Variants in ACOXL observed in about 807,000 individuals in gnomAD.
ACOXL encodes the protein acyl-CoA oxidase like, also known as acyl-coenzyme A oxidase-like protein.
A neutral mutation model predicts 71.9 loss-of-function variants in ACOXL; 70 were observed. The observed-to-expected ratio is 0.97, with a 90% confidence interval of 0.80 to 1.19. The LOEUF (loss-of-function observed/expected upper bound fraction) is 1.19, where lower values mean the gene tolerates loss of function less well. ACOXL is among the 50% of genes most tolerant of loss of function. The pLI, the probability that ACOXL is intolerant of heterozygous loss-of-function variation, is 0.00. For missense variants in ACOXL, 703 were observed against 736.3 expected (o/e 0.95, Z 0.52); for synonymous variants, 253 against 281.6 (o/e 0.90, Z 1.02).
chr2:110,755,239 C>T (rs1329159475), intron 1 of ACOXL, among the ~76,000 whole-genome samples: 1 of 152,152 alleles, frequency 6.6e-6, no homozygotes, highest in African/African-American at 2.4e-5. Context: ...GACTCCCACC[C>T]CCAGAACTGA....
chr2:110,937,076 T>A (rs181506722), intron 12 of ACOXL, among the ~76,000 whole-genome samples: 1 of 152,262 alleles, frequency 6.6e-6, no homozygotes, highest in East Asian at 1.9e-4. Flanking sequence ...CGAACTATTT[T>A]AGGGATTTTT....
chr2:110,787,680 C>G (rs1684156103), intron 3 of ACOXL, among the ~76,000 whole-genome samples: 1 of 152,112 alleles, frequency 6.6e-6, no homozygotes, highest in African/African-American at 2.4e-5. Flanking sequence ...CAGGTGTGGC[C>G]CTGGTCACAT....
intron 10 of ACOXL, among the ~76,000 whole-genome samples, chr2:110,865,474 T>C (rs1379411923): frequency 6.6e-6 from 1 of 152,212 alleles, no homozygotes; most frequent in Non-Finnish European, 1.5e-5. Context: ...AAGAATAGGA[T>C]GTTTCGAAGG....
intron 9 of ACOXL, among the ~76,000 whole-genome samples, chr2:110,812,147 A>G (rs1348168586): frequency 1.3e-5 from 2 of 152,230 alleles, no homozygotes; most frequent in Non-Finnish European, 2.9e-5. Context: ...AATAGGATGT[A>G]GAGTTATTTT....
intron 10 of ACOXL, among the ~76,000 whole-genome samples, chr2:110,894,818 G>T (rs1309776535): frequency 4.6e-5 from 7 of 152,242 alleles, no homozygotes; most frequent in African/African-American, 1.7e-4. Flanking sequence ...CAGAACTCCT[G>T]CCCCTCCCTA....
intron 1 of ACOXL, among the ~76,000 whole-genome samples, chr2:110,743,993 C>G (rs542252253): frequency 1.8e-4 from 28 of 152,324 alleles, no homozygotes; most frequent in African/African-American, 6.7e-4. Flanking sequence ...GGGGTGCTGC[C>G]TCTGGGGCCC....
chr2:110,979,989 TG>T (rs1467796409), intron 12 of ACOXL, among the ~76,000 whole-genome samples: 1 of 152,186 alleles, frequency 6.6e-6, no homozygotes, highest in African/African-American at 2.4e-5. Context: ...GTCTTTGGCA[TG>T]GGGTGAGTCA....
chr2:110,753,745 T>C (rs1295033877), intron 1 of ACOXL, among the ~76,000 whole-genome samples: 3 of 152,248 alleles, frequency 2.0e-5, no homozygotes, highest in African/African-American at 7.2e-5. Flanking sequence ...AGGAATGTAA[T>C]TGTCAGGTCA....
At chr2:110,858,402 C>A (rs535820171) in intron 10 of ACOXL, among the ~76,000 whole-genome samples, 3 of 152,130 alleles carry the variant, frequency 2.0e-5, no homozygotes, top group Admixed American at 1.3e-4. Context: ...TTGTCATTTC[C>A]CTTCTCACGC....
chr2:110,996,976 CT>C (rs2063424164), intron 14 of ACOXL, among the ~76,000 whole-genome samples: 1 of 152,154 alleles, frequency 6.6e-6, no homozygotes, highest in Non-Finnish European at 1.5e-5. Flanking sequence ...AGGCGTAGAT[CT>C]GAGGTGAGGC....
chr2:111,002,199 GC>G (rs1390570520), intron 14 of ACOXL, among the ~76,000 whole-genome samples: 2 of 152,152 alleles, frequency 1.3e-5, no homozygotes, highest in African/African-American at 4.8e-5. Context: ...GAGAATCTGA[GC>G]CAACCATGCA....
intron 13 of ACOXL, among the ~76,000 whole-genome samples, chr2:110,990,987 T>A (rs12105855): frequency 3.3e-5 from 5 of 152,064 alleles, no homozygotes; most frequent in Admixed American, 2.0e-4. Flanking sequence ...AAGTTTTACA[T>A]CTCTCATAGA....
intron 1 of ACOXL, among the ~76,000 whole-genome samples, chr2:110,735,428 G>A (rs1425468794): frequency 1.3e-5 from 2 of 152,184 alleles, no homozygotes; most frequent in Non-Finnish European, 2.9e-5. Flanking sequence ...GGTGAGTGCT[G>A]TGTGTACATA....
chr2:110,777,199 A>G (rs900246454), intron 2 of ACOXL, among the ~76,000 whole-genome samples: 1 of 152,016 alleles, frequency 6.6e-6, no homozygotes, highest in African/African-American at 2.4e-5. Flanking sequence ...CAACATAGAG[A>G]TGAATTTAGA....
chr2:111,093,433 G>A (rs2068643626), intron 17 of ACOXL: 1 of 1,612,756 alleles, frequency 6.2e-7, no homozygotes, highest in Non-Finnish European at 8.5e-7. Flanking sequence ...GAAAAAGAAT[G>A]TGAAACAGCA....
intron 15 of ACOXL, among the ~76,000 whole-genome samples, chr2:111,036,561 C>A (rs2065526400): frequency 6.6e-6 from 1 of 152,202 alleles, no homozygotes; most frequent in African/African-American, 2.4e-5. Flanking sequence ...TTTGTTTTCT[C>A]TACTTCAGTC....
intron 17 of ACOXL, among the ~76,000 whole-genome samples, chr2:111,108,596 C>G (rs541983357): frequency 1.2e-3 from 188 of 152,236 alleles, no homozygotes; most frequent in African/African-American, 4.3e-3. Flanking sequence ...TCAGGCTGGT[C>G]TCGTCCCGAC....
chr2:110,779,285 G>GC, intron 2 of ACOXL, among the ~76,000 whole-genome samples: 1 of 152,310 alleles, frequency 6.6e-6, no homozygotes, highest in Admixed American at 6.5e-5. Context: ...CTACTATGTG[G>GC]CCCCTGGAAC....
intron 2 of ACOXL, among the ~76,000 whole-genome samples, chr2:110,778,068 C>T (rs527297476): frequency 6.6e-5 from 10 of 152,342 alleles, no homozygotes; most frequent in Middle Eastern, 3.4e-3. Flanking sequence ...TTGGCAGCAG[C>T]GGCCATGCCC....
Sources: allele counts gnomAD v4.1 joint callset (sites outside exome capture counted in the v4.1 genomes callset), GRCh38; gene constraint gnomAD v4.1.1; transcripts MANE v1.5; gene names NCBI Gene and HGNC (gene_info 2026-07-23, HGNC 2026-07-21).